Variants in ARID3A observed in about 807,000 individuals in gnomAD.
ARID3A encodes AT-rich interaction domain 3A, also known as AT-rich interactive domain-containing protein 3A.
A neutral mutation model predicts 52.7 loss-of-function variants in ARID3A; 11 were observed. That is an observed-to-expected ratio of 0.21 (90% CI 0.13 to 0.35). The LOEUF (loss-of-function observed/expected upper bound fraction) is 0.35. ARID3A is among the 10% of genes least tolerant of loss of function. The pLI, the probability that ARID3A is intolerant of heterozygous loss-of-function variation, is 1.00. For synonymous variants in ARID3A, 404 were observed against 359.4 expected, an observed-to-expected ratio of 1.12 and a Z score of -1.40; for missense variants, 721 against 838.5, an observed-to-expected ratio of 0.86 and a Z score of 1.73.
Position 938,003 on chromosome 19 carries a change from C to T in ARID3A, c.693+5261C>T, listed in dbSNP as rs578030404. The stretch of plus-strand genomic sequence containing the variant: ...GATTACAGGTGTGAGCCACTGCGCC[C>T]GGCTAATTTTTTGTATTTTTAGTAG... On this transcript the variant is annotated intron_variant, in intron 3 of 8. Coordinates refer to ENST00000263620, the MANE Select transcript of ARID3A (RefSeq NM_005224.3). This position sits in a 1 kb window ranked among gnomAD's most constrained non-coding sequence, Gnocchi z 4.0. 4.6e-5 allele frequency among the ~76,000 whole-genome samples: 7 copies of T among 151,862 alleles called. No individual in the cohort carries two copies. Among genetic ancestry groups the T allele is most frequent in the East Asian group, 3.9e-4 (2 of 5,174 alleles).
rs1220920833 is a variant in ARID3A, at chr19:964,512, G to T, written c.950+81G>T. On this transcript the variant is annotated intron_variant, in intron 5 of 8. Transcript: ENST00000263620. The surrounding 1 kb of genome is among the most constrained non-coding windows in gnomAD (Gnocchi z 5.7). ...CAAGGGGCCTGCAGAAGAGGGAGGG[G>T]GTGGTGGGCAGCTGCAGAGGAGGGG... 2 of 1,471,254 alleles carry T rather than the reference G, an allele frequency of 1.4e-6. No homozygotes were observed. Among genetic ancestry groups the T allele is most frequent in the Non-Finnish European group, 9.1e-7 (1 of 1,101,574 alleles). The allele number at this position is 1,471,254 out of a possible 1,614,324, so 91.1% of individuals were successfully genotyped here. A position where few individuals can be genotyped will look rare whatever the true frequency, so the allele number is the denominator to read the frequency against.
At chr19:969,555 T>G (rs547345763) in intron 8 of ARID3A, among the ~76,000 whole-genome samples, 59 of 151,634 alleles carry the variant, frequency 3.9e-4, no homozygotes, top group African/African-American at 1.4e-3. Flanking sequence ...TCTATATATC[T>G]ATATATAGAT....
chr19:956,876 G>A (rs868629866), intron 3 of ARID3A, among the ~76,000 whole-genome samples: 63 of 152,320 alleles, frequency 4.1e-4, no homozygotes, highest in African/African-American at 1.5e-3. Context: ...GGATGTCCCC[G>A]CAGCAGCAGG....
chr19:967,906 G>A (rs1167031226), intron 7 of ARID3A, among the ~76,000 whole-genome samples: 2 of 151,588 alleles, frequency 1.3e-5, no homozygotes, highest in Non-Finnish European at 2.9e-5. Context: ...TTAGCCGGGT[G>A]TGCTGGTGTG....
At chr19:926,974 T>C (rs909551948) in intron 1 of ARID3A, among the ~76,000 whole-genome samples, 1 of 152,040 alleles carries the variant, frequency 6.6e-6, no homozygotes, top group East Asian at 2.0e-4. Flanking sequence ...TTCTTGAGTT[T>C]TTTTCTCACT....
chr19:971,131 G>A (rs1323861942), intron 8 of ARID3A, among the ~76,000 whole-genome samples: 6 of 152,170 alleles, frequency 3.9e-5, no homozygotes, highest in African/African-American at 7.2e-5. Context: ...GTGTGCTCAC[G>A]TGCATCCATA....
chr19:933,927 C>T (rs933956782), intron 3 of ARID3A, among the ~76,000 whole-genome samples: 5 of 151,052 alleles, frequency 3.3e-5, no homozygotes, highest in African/African-American at 4.9e-5. Flanking sequence ...GCTCCACGGG[C>T]CACACTGCCG....
intron 3 of ARID3A, among the ~76,000 whole-genome samples, chr19:934,957 G>T (rs1046824722): frequency 1.3e-5 from 2 of 152,178 alleles, no homozygotes; most frequent in African/African-American, 4.8e-5. Context: ...AGCCGCCGAT[G>T]CCGCCGCCCG....
intron 3 of ARID3A, among the ~76,000 whole-genome samples, chr19:951,505 T>C (rs1002896717): frequency 2.6e-5 from 4 of 151,854 alleles, no homozygotes; most frequent in Admixed American, 2.0e-4. Flanking sequence ...GAGCTATGAC[T>C]GCATCACTGC....
In ARID3A at chr19:967,023, C is replaced by T. The variant is rs558992689; in HGVS notation, c.1495+155C>T. Among the ~76,000 whole-genome samples, 138 of 151,830 alleles carry T rather than the reference C, an allele frequency of 9.1e-4. 1 individual carries two copies. The Middle Eastern group carries it at 0.017, about 19-fold the overall frequency. ...CTGTAATCCCAGCACTTTGGGAGACCGAGGTGGGTGGATCACTTGAGGTCA... is the reference window on the plus strand; with the variant it reads ...CTGTAATCCCAGCACTTTGGGAGACTGAGGTGGGTGGATCACTTGAGGTCA... On this transcript the variant is annotated intron_variant, in intron 7 of 8. Coordinates refer to ENST00000263620, the MANE Select transcript of ARID3A (RefSeq NM_005224.3).
intron 3 of ARID3A, among the ~76,000 whole-genome samples, chr19:949,655 C>T (rs2037763895): frequency 6.6e-6 from 1 of 150,934 alleles, no homozygotes; most frequent in Non-Finnish European, 1.5e-5. Flanking sequence ...CGCCACTGTG[C>T]CCCACAGACC....
rs1599417786 is a variant in ARID3A at position 959,515 on chromosome 19, G to A, written c.694-577G>A. 1.3e-5 allele frequency among the ~76,000 whole-genome samples: 2 copies of A among 152,108 alleles called. No homozygotes were observed. The highest frequency in any genetic ancestry group is 4.1e-4 in the South Asian group (2 of 4,830). ...TGGTCTTGAATTCCCGGGCTCAAGC[G>A]ATTCACCCGCCTCCCAAGGTGCTGG... On this transcript the variant is annotated intron_variant, in intron 3 of 8. Transcript: ENST00000263620. This position sits in a 1 kb window ranked among gnomAD's most constrained non-coding sequence, Gnocchi z 5.0.
At chr19:927,902 A>C (rs771048826) in intron 1 of ARID3A, among the ~76,000 whole-genome samples, 62 of 147,438 alleles carry the variant, frequency 4.2e-4, no homozygotes, top group Non-Finnish European at 8.5e-4. Context: ...CCTGCCCCCC[A>C]CTGCCTTTTC....
chr19:927,567 G>C (rs2037227875), intron 1 of ARID3A, among the ~76,000 whole-genome samples: 1 of 151,880 alleles, frequency 6.6e-6, no homozygotes, highest in Non-Finnish European at 1.5e-5. Flanking sequence ...CCCAAAGAGG[G>C]GGGGCTTTGC....
chr19:971,139 A>G (rs1001773443), intron 8 of ARID3A, among the ~76,000 whole-genome samples: 1 of 152,116 alleles, frequency 6.6e-6, no homozygotes, highest in Non-Finnish European at 1.5e-5. Flanking sequence ...ACGTGCATCC[A>G]TATATATGCA....
intron 3 of ARID3A, among the ~76,000 whole-genome samples, chr19:951,528 G>C (rs1473137755): frequency 6.6e-6 from 1 of 152,108 alleles, no homozygotes; most frequent in Admixed American, 6.5e-5. Flanking sequence ...TCCAGCCTGG[G>C]CGACAGAGTA....
Position 944,219 on chromosome 19 carries a change from A to G in ARID3A, c.693+11477A>G, listed in dbSNP as rs1359789607. ...TGAAGCAGAAGCTCCTGCCGCCGGC[A>G]CTGGAGTCCTGACGTCGGCAGCGCG... is the stretch of plus-strand genomic sequence containing the variant. On this transcript the variant is annotated intron_variant, in intron 3 of 8. Coordinates refer to ENST00000263620, the MANE Select transcript of ARID3A (RefSeq NM_005224.3). This position sits in a 1 kb window ranked among gnomAD's most constrained non-coding sequence, Gnocchi z 5.9. 6.6e-6 allele frequency among the ~76,000 whole-genome samples: 1 copy of G among 152,196 alleles called. No homozygotes were observed. The highest frequency in any genetic ancestry group is 1.5e-5 in the Non-Finnish European group (1 of 68,040).
chr19:925,929 A>G (rs1367235794), upstream of ARID3A: 1 of 133,168 alleles, frequency 7.5e-6, no homozygotes, highest in East Asian at 2.4e-4. Flanking sequence ...AGGTATTTGC[A>G]TCCGAGAGCG....
At chr19:934,599 C>G (rs1231414393) in intron 3 of ARID3A, among the ~76,000 whole-genome samples, 2 of 152,202 alleles carry the variant, frequency 1.3e-5, no homozygotes, top group African/African-American at 4.8e-5. Context: ...CACCTGCCCC[C>G]TGGGTGTACC....
Sources: allele counts gnomAD v4.1 joint callset (sites outside exome capture counted in the v4.1 genomes callset), GRCh38; gene constraint gnomAD v4.1.1; non-coding constraint Gnocchi (gnomAD v3.1); transcripts MANE v1.5; gene names NCBI Gene and HGNC (gene_info 2026-07-23, HGNC 2026-07-21).